Variants in LRP1B observed in about 807,000 individuals in gnomAD.
The protein encoded by LRP1B is low-density lipoprotein receptor-related protein 1B.
Under a neutral mutation model 556.6 loss-of-function variants are expected in LRP1B, and 217 were observed. That is an observed-to-expected ratio of 0.39 (90% CI 0.35 to 0.44). The LOEUF is 0.44. LRP1B is among the 20% of genes least tolerant of loss of function. The pLI, the probability that LRP1B is intolerant of heterozygous loss-of-function variation, is 1.00. For missense variants in LRP1B, 5,053 were observed against 5,620.8 expected (o/e 0.90, Z 3.23); for synonymous variants, 2,047 against 1,865.8 (o/e 1.10, Z -2.50).
chr2:141,818,423 G>C (rs1458833130), intron 1 of LRP1B, among the ~76,000 whole-genome samples: 1 of 151,418 alleles, frequency 6.6e-6, no homozygotes, highest in Non-Finnish European at 1.5e-5. Flanking sequence ...CATGGTTAGA[G>C]GTCTTCTTTC....
chr2:142,018,731 C>T (rs1349320315), intron 1 of LRP1B, among the ~76,000 whole-genome samples: 4 of 151,346 alleles, frequency 2.6e-5, no homozygotes, highest in African/African-American at 9.7e-5. Flanking sequence ...AAATATAGAA[C>T]TGAATAATTG....
intron 17 of LRP1B, among the ~76,000 whole-genome samples, chr2:140,985,179 A>C (rs773473125): frequency 4.6e-5 from 7 of 152,020 alleles, no homozygotes; most frequent in South Asian, 4.1e-4. Context: ...GAGAATTCTC[A>C]CAAGGCACAC....
At chr2:141,704,344 G>A (rs1692061705) in intron 2 of LRP1B, among the ~76,000 whole-genome samples, 1 of 151,802 alleles carries the variant, frequency 6.6e-6, no homozygotes, top group African/African-American at 2.4e-5. Context: ...ATGTAAGGGT[G>A]GTTTAAAAGA....
At chr2:141,624,340 G>A (rs12994714) in intron 2 of LRP1B, among the ~76,000 whole-genome samples, 87 of 152,094 alleles carry the variant, frequency 5.7e-4, no homozygotes, top group Non-Finnish European at 1.0e-3. Flanking sequence ...TACACGGTGA[G>A]AATGATGCCC....
chr2:141,925,669 C>T (rs1047591003), intron 1 of LRP1B, among the ~76,000 whole-genome samples: 1 of 152,158 alleles, frequency 6.6e-6, no homozygotes, highest in East Asian at 1.9e-4. Flanking sequence ...TTCTGAGCTG[C>T]TCAATATTTC....
At chr2:140,558,114 AC>A (rs1680800022) in intron 43 of LRP1B, among the ~76,000 whole-genome samples, 1 of 152,144 alleles carries the variant, frequency 6.6e-6, no homozygotes, top group Non-Finnish European at 1.5e-5. Flanking sequence ...AAAGATAATA[AC>A]AAGTATTAGC....
chr2:141,980,168 C>T (rs1390569023), intron 1 of LRP1B, among the ~76,000 whole-genome samples: 1 of 151,970 alleles, frequency 6.6e-6, no homozygotes, highest in African/African-American at 2.4e-5. Flanking sequence ...TAGCAATGCC[C>T]TTGAGAGATC....
intron 1 of LRP1B, among the ~76,000 whole-genome samples, chr2:141,978,792 C>T (rs1701961817): frequency 6.6e-6 from 1 of 151,878 alleles, no homozygotes; most frequent in Non-Finnish European, 1.5e-5. Context: ...CTGTCCATTA[C>T]TATAGGTTTG....
At chr2:141,945,144 C>G (rs1461002526) in intron 1 of LRP1B, among the ~76,000 whole-genome samples, 1 of 152,094 alleles carries the variant, frequency 6.6e-6, no homozygotes, top group African/African-American at 2.4e-5. Flanking sequence ...ATCTTAGCCC[C>G]ATAATATTTT....
intron 41 of LRP1B, among the ~76,000 whole-genome samples, chr2:140,620,452 T>C (rs2105249126): frequency 6.6e-6 from 1 of 152,334 alleles, no homozygotes; most frequent in South Asian, 2.1e-4. Flanking sequence ...AATGTTACAT[T>C]TATCCTCTTC....
intron 31 of LRP1B, among the ~76,000 whole-genome samples, chr2:140,830,124 C>T (rs1274360310): frequency 6.6e-6 from 1 of 151,634 alleles, no homozygotes; most frequent in African/African-American, 2.4e-5. Flanking sequence ...AAAAATACTC[C>T]ATCAAAAAAA....
intron 57 of LRP1B, among the ~76,000 whole-genome samples, chr2:140,489,889 G>A (rs1688628408): frequency 6.6e-6 from 1 of 151,982 alleles, no homozygotes; most frequent in East Asian, 1.9e-4. Context: ...AATTTAGTAA[G>A]TCAACTATAA....
intron 3 of LRP1B, among the ~76,000 whole-genome samples, chr2:141,361,503 G>T (rs1688825557): frequency 6.6e-6 from 1 of 152,014 alleles, no homozygotes; most frequent in South Asian, 2.1e-4. Context: ...AAAATATGTT[G>T]TGTGAAACAA....
At chr2:140,302,325 T>C (rs1446805615) in intron 83 of LRP1B, among the ~76,000 whole-genome samples, 1 of 152,192 alleles carries the variant, frequency 6.6e-6, no homozygotes, top group Non-Finnish European at 1.5e-5. Context: ...TGTTTCCATG[T>C]TGATGTCTCT....
chr2:141,474,012 C>CTTCA (rs1682591638), intron 3 of LRP1B, among the ~76,000 whole-genome samples: 2 of 97,414 alleles, frequency 2.1e-5, no homozygotes, highest in Admixed American at 2.0e-4. Context: ...TCCTTCCTTC[C>CTTCA]TTCCTTCCTT....
chr2:142,103,840 C>T (rs1344814364), intron 1 of LRP1B, among the ~76,000 whole-genome samples: 1 of 152,174 alleles, frequency 6.6e-6, no homozygotes, highest in East Asian at 1.9e-4. Context: ...TGATTCTTAC[C>T]TACCGTGTAT....
intron 7 of LRP1B, among the ~76,000 whole-genome samples, chr2:141,128,153 T>C (rs530862385): frequency 6.6e-6 from 1 of 152,260 alleles, no homozygotes; most frequent in South Asian, 2.1e-4. Flanking sequence ...TGGCCTTCAT[T>C]TGAATAATTT....
chr2:141,542,413 T>C (rs1299024563), intron 2 of LRP1B, among the ~76,000 whole-genome samples: 1 of 152,026 alleles, frequency 6.6e-6, no homozygotes, highest in African/African-American at 2.4e-5. Context: ...TATTTTATTA[T>C]ATTTAACATG....
intron 2 of LRP1B, among the ~76,000 whole-genome samples, chr2:141,501,364 T>C (rs1055243918): frequency 6.6e-6 from 1 of 152,064 alleles, no homozygotes; most frequent in Non-Finnish European, 1.5e-5. Context: ...AGAATTAAAG[T>C]TCAAAAACAT....
Sources: allele counts gnomAD v4.1 joint callset (sites outside exome capture counted in the v4.1 genomes callset), GRCh38; gene constraint gnomAD v4.1.1; transcripts MANE v1.5; gene names NCBI Gene and HGNC (gene_info 2026-07-23, HGNC 2026-07-21).